Variants in PLCE1 observed in about 807,000 individuals in gnomAD.
The protein encoded by PLCE1 is phospholipase C epsilon 1.
PLCE1 carries 119 observed loss-of-function variants against 242.8 expected under a neutral mutation model. The ratio of observed to expected loss-of-function variants is 0.49; its 90% CI spans 0.42 to 0.57. The LOEUF is 0.57. Ranked by LOEUF, PLCE1 falls within the 20% of genes least tolerant of loss-of-function variation. The probability of loss-of-function intolerance (pLI) is 0.00; values close to 1 mark genes in which losing one functional copy is unlikely to be tolerated. For missense variants in PLCE1, 2,441 were observed against 2,788.8 expected (o/e 0.88, Z 2.81); for synonymous variants, 945 against 1,017.4 (o/e 0.93, Z 1.35).
intron 4 of PLCE1, among the ~76,000 whole-genome samples, chr10:94,172,232 C>G (rs1049784281): frequency 6.6e-6 from 1 of 152,090 alleles, no homozygotes; most frequent in African/African-American, 2.4e-5. Flanking sequence ...CAGGGAGTCT[C>G]CATGCAGTAC....
chr10:94,216,969 T>C (rs770340556), intron 4 of PLCE1, among the ~76,000 whole-genome samples: 6 of 150,854 alleles, frequency 4.0e-5, no homozygotes, highest in Non-Finnish European at 7.4e-5. Context: ...TGCTCTACTA[T>C]CTTCCATTTT....
intron 4 of PLCE1, among the ~76,000 whole-genome samples, chr10:94,222,817 C>T (rs1000434985): frequency 6.6e-6 from 1 of 152,210 alleles, no homozygotes; most frequent in Non-Finnish European, 1.5e-5. Flanking sequence ...ACAATCTACC[C>T]TCTGAAGGAC....
chr10:94,007,575 C>CT (rs57779697), intron 1 of PLCE1, among the ~76,000 whole-genome samples: 3,393 of 107,154 alleles, frequency 0.032, 90 homozygotes, highest in African/African-American at 0.054. Flanking sequence ...TTCTCTCTCT[C>CT]TTTTTTTTTT....
chr10:94,099,480 A>G (rs947246814), intron 2 of PLCE1, among the ~76,000 whole-genome samples: 2 of 152,218 alleles, frequency 1.3e-5, no homozygotes, highest in African/African-American at 4.8e-5. Flanking sequence ...AACCCAGACA[A>G]AGTCAAAGCT....
chr10:94,026,659 A>G (rs2061457575), intron 1 of PLCE1, among the ~76,000 whole-genome samples: 1 of 152,210 alleles, frequency 6.6e-6, no homozygotes, highest in South Asian at 2.1e-4. Flanking sequence ...CTGCTGACAT[A>G]CAAAATGTAT....
In PLCE1 at chr10:94,234,107, C is replaced by T. The variant is rs1313577956; in HGVS notation, c.2009C>T (p.Thr670Ile). The change falls in exon 6 of 33, where the codon ACC (threonine) becomes ATC (isoleucine). Residue 670 changes from threonine to isoleucine, a missense_variant. This residue lies in a region of PLCE1 where 733 missense variants were observed against 754.2 expected (regional missense o/e 0.97). Coordinates refer to ENST00000371380, the MANE Select transcript of PLCE1 (RefSeq NM_016341.4). ...WQFMDQSDIE[T>I]MRSLKDAMAQ... ...TTCATGGACCAGTCTGATATTGAGA[C>T]CATGAGGAGCCTGAAGGATGCTATG... The T allele has an allele frequency of 1.2e-6, 2 of 1,613,662 alleles. No individual in the cohort carries two copies. The highest frequency in any genetic ancestry group is 1.7e-6 in the Non-Finnish European group (2 of 1,179,720).
At chr10:94,235,661 A>G in intron 6 of PLCE1, 1 of 915,374 alleles carries the variant, frequency 1.1e-6, no homozygotes, top group Non-Finnish European at 1.3e-6. Flanking sequence ...CTGAAATAAT[A>G]TTTTTTTTGT....
chr10:94,162,117 G>GT (rs1254863716), intron 3 of PLCE1, among the ~76,000 whole-genome samples: 2 of 151,990 alleles, frequency 1.3e-5, no homozygotes, highest in African/African-American at 2.4e-5. Flanking sequence ...CTAAAATTCT[G>GT]TTTTTTTGTT....
chr10:94,263,438 C>G (rs1345553439), intron 14 of PLCE1, among the ~76,000 whole-genome samples: 1 of 149,874 alleles, frequency 6.7e-6, no homozygotes, highest in Admixed American at 6.7e-5. Context: ...CACTGGAACA[C>G]GGGAGGCAGA....
intron 2 of PLCE1, among the ~76,000 whole-genome samples, chr10:94,067,543 A>G (rs925479581): frequency 6.6e-6 from 1 of 152,210 alleles, no homozygotes; most frequent in Non-Finnish European, 1.5e-5. Flanking sequence ...ACTGGACAAT[A>G]TGAAGAGAGT....
At position 94,234,222 on chromosome 10, in the gene PLCE1, G is replaced by A. The variant is rs61751496; in HGVS notation, c.2124G>A (p.Val708=). Residue 708 remains valine, a synonymous_variant, in exon 6 of 33, where the codon GTG becomes GTA. Coordinates refer to ENST00000371380, the MANE Select transcript of PLCE1 (RefSeq NM_016341.4). ...GTAAGGTGGTTCCATTCTGTGGGGT[G>A]TTTCTGAAGGAGCTCTGTGAAGTGC... ...PGCKVVPFCG[V]FLKELCEVLD... is the part of the protein sequence containing the mutation. The A allele has an allele frequency of 0.012, 18,943 of 1,614,092 alleles. 181 individuals carry two copies. Among genetic ancestry groups the A allele is most frequent in the Non-Finnish European group, 0.013 (15,179 of 1,179,952 alleles).
chr10:94,308,767 G>A lies in PLCE1; in HGVS notation c.6003+68G>A. 5.0e-6 allele frequency: 5 copies of A among 994,510 alleles called. No homozygotes were observed. In the South Asian group the frequency reaches 6.4e-5, roughly 13 times the overall value. The allele number at this position is 994,510 out of a possible 1,614,324, so 61.6% of individuals were successfully genotyped here. ...TACACTGAAGGTGGGCTTTTTTGTG[G>A]CCCAGCAAAGTGGTCGGTGTGAGTT... is the stretch of plus-strand genomic sequence containing the variant. On this transcript the variant is annotated intron_variant, in intron 27 of 32. Coordinates refer to ENST00000371380, the MANE Select transcript of PLCE1 (RefSeq NM_016341.4).
intron 22 of PLCE1, among the ~76,000 whole-genome samples, chr10:94,292,526 T>G (rs2133443073): frequency 6.6e-6 from 1 of 152,358 alleles, no homozygotes; most frequent in East Asian, 1.9e-4. Flanking sequence ...TTATCTTGTT[T>G]ATTCCTAACC....
chr10:94,068,593 G>A (rs999872662), intron 2 of PLCE1, among the ~76,000 whole-genome samples: 1 of 152,190 alleles, frequency 6.6e-6, no homozygotes, highest in Non-Finnish European at 1.5e-5. Context: ...CGGAACCAAT[G>A]TCCCATGGAT....
intron 13 of PLCE1, 138 bp downstream of exon 13, chr10:94,259,288 T>C: frequency 1.3e-6 from 1 of 796,630 alleles, no homozygotes; most frequent in South Asian, 1.6e-5. Context: ...TAAGAGAATT[T>C]TTTTTTTTTT....
chr10:94,146,926 G>C (rs562633784), intron 3 of PLCE1, among the ~76,000 whole-genome samples: 2 of 152,172 alleles, frequency 1.3e-5, no homozygotes, highest in African/African-American at 2.4e-5. Context: ...GGCTGGAAAG[G>C]TTCCAGGTAG....
intron 14 of PLCE1, among the ~76,000 whole-genome samples, chr10:94,264,539 T>TTTTTA (rs2051439909): frequency 1.5e-5 from 2 of 131,288 alleles, no homozygotes; most frequent in African/African-American, 6.4e-5. Flanking sequence ...TTTTTTTTTT[T>TTTTTA]GAGACAGAGT....
intron 4 of PLCE1, among the ~76,000 whole-genome samples, chr10:94,183,371 A>G (rs2048370605): frequency 2.0e-5 from 3 of 151,838 alleles, no homozygotes; most frequent in Admixed American, 2.0e-4. Context: ...AACAACACAG[A>G]CAAAGCTCCT....
At chr10:94,276,369 G>A (rs535119427) in intron 19 of PLCE1, among the ~76,000 whole-genome samples, 1 of 152,202 alleles carries the variant, frequency 6.6e-6, no homozygotes, top group East Asian at 1.9e-4. Context: ...TGGGTCTTTA[G>A]AGAAGCCCTT....
Sources: allele counts gnomAD v4.1 joint callset (sites outside exome capture counted in the v4.1 genomes callset), GRCh38; gene constraint gnomAD v4.1.1; regional missense constraint gnomAD v4.1.1; transcripts MANE v1.5; gene names NCBI Gene and HGNC (gene_info 2026-07-23, HGNC 2026-07-21).